Variants in ZBTB7C observed in about 807,000 individuals in gnomAD.
ZBTB7C encodes the protein zinc finger and BTB domain containing 7C.
In ZBTB7C, 8 loss-of-function variants were observed where a neutral mutation model predicts 25.7. That is an observed-to-expected ratio of 0.31 (90% CI 0.18 to 0.56). The LOEUF (loss-of-function observed/expected upper bound fraction) is 0.56. ZBTB7C is among the 20% of genes least tolerant of loss of function. The pLI, the probability that ZBTB7C is intolerant of heterozygous loss-of-function variation, is 0.91. For synonymous variants in ZBTB7C, 394 were observed against 369.0 expected (o/e 1.07, Z -0.78); for missense variants, 824 against 855.2 (o/e 0.96, Z 0.46).
chr18:48,084,867 C>T (rs965848778), intron 3 of ZBTB7C, among the ~76,000 whole-genome samples: 30 of 152,236 alleles, frequency 2.0e-4, no homozygotes, highest in African/African-American at 6.3e-4. Flanking sequence ...CTCTGTCACC[C>T]GAACCCCTTT....
intron 4 of ZBTB7C, among the ~76,000 whole-genome samples, chr18:48,034,076 C>T (rs2035869657): frequency 6.6e-6 from 1 of 152,168 alleles, no homozygotes; most frequent in South Asian, 2.1e-4. Context: ...GTGAGTTTAG[C>T]TGGAATATGT....
At chr18:48,165,318 C>G (rs1331437124) in intron 3 of ZBTB7C, 1 of 435,908 alleles carries the variant, frequency 2.3e-6, no homozygotes, top group Non-Finnish European at 4.6e-6. Flanking sequence ...GACAACACTC[C>G]GACGTAGCCC....
chr18:48,207,290 A>G (rs1212113037), intron 2 of ZBTB7C, among the ~76,000 whole-genome samples: 2 of 152,206 alleles, frequency 1.3e-5, no homozygotes, highest in African/African-American at 4.8e-5. Flanking sequence ...ATACCATACA[A>G]TCCAGCAAGT....
At chr18:48,101,256 A>C (rs1233060693) in intron 3 of ZBTB7C, among the ~76,000 whole-genome samples, 1 of 152,210 alleles carries the variant, frequency 6.6e-6, no homozygotes, top group Admixed American at 6.5e-5. Flanking sequence ...AGATTTTGCC[A>C]ATCATTGTAT....
chr18:48,100,764 C>T (rs1459565734), intron 3 of ZBTB7C, among the ~76,000 whole-genome samples: 1 of 152,090 alleles, frequency 6.6e-6, no homozygotes, highest in African/African-American at 2.4e-5. Context: ...TGAAGCAACC[C>T]CCTGGGGAAT....
intron 1 of ZBTB7C, among the ~76,000 whole-genome samples, chr18:48,391,169 G>A (rs956513784): frequency 2.0e-5 from 3 of 152,192 alleles, no homozygotes; most frequent in African/African-American, 7.2e-5. Context: ...CTGGGTGACC[G>A]CCGCCATGTG....
chr18:48,310,241 A>AG (rs1476816436), intron 2 of ZBTB7C, among the ~76,000 whole-genome samples: 4 of 152,052 alleles, frequency 2.6e-5, no homozygotes, highest in African/African-American at 9.7e-5. Flanking sequence ...AAAAAAAAAA[A>AG]AATTGGTTCC....
chr18:48,347,291 G>A (rs971028633), intron 1 of ZBTB7C, among the ~76,000 whole-genome samples: 6 of 134,626 alleles, frequency 4.5e-5, no homozygotes, highest in Non-Finnish European at 6.7e-5. Flanking sequence ...TCAAGTGATC[G>A]GCCTCCCAAA....
chr18:48,256,508 T>C (rs1163082966), intron 2 of ZBTB7C, among the ~76,000 whole-genome samples: 1 of 150,978 alleles, frequency 6.6e-6, no homozygotes, highest in Non-Finnish European at 1.5e-5. Flanking sequence ...AGGCCCATAT[T>C]ATAAGAAGTG....
At chr18:48,220,450 A>C (rs1177856395) in intron 2 of ZBTB7C, among the ~76,000 whole-genome samples, 1 of 152,178 alleles carries the variant, frequency 6.6e-6, no homozygotes, top group Non-Finnish European at 1.5e-5. Context: ...TAGGGAACAA[A>C]TACTTATTGA....
At chr18:48,332,318 T>C (rs908463898) in intron 2 of ZBTB7C, among the ~76,000 whole-genome samples, 1 of 152,168 alleles carries the variant, frequency 6.6e-6, no homozygotes, top group Non-Finnish European at 1.5e-5. Flanking sequence ...AGGTAGAAAT[T>C]GGTAGTTAGA....
chr18:48,296,724 G>A (rs934829885), intron 2 of ZBTB7C, among the ~76,000 whole-genome samples: 2 of 152,042 alleles, frequency 1.3e-5, no homozygotes, highest in African/African-American at 4.8e-5. Context: ...CAGTCTGGTA[G>A]TGGCGGGTGG....
In ZBTB7C at chr18:48,208,725, C is replaced by A. The variant is rs542091710; in HGVS notation, c.-78-22730G>T. Among the ~76,000 whole-genome samples, 5 of 152,366 alleles carry A rather than the reference C, an allele frequency of 3.3e-5. No individual in the cohort carries two copies. The South Asian group carries it at 1.0e-3, about 32-fold the overall frequency. ...GCCCCTGTCAACTTCAGCTCACTCA[C>A]CTTCCCAACATCTCAGACTCTGTGT... On this transcript the variant is annotated intron_variant, in intron 2 of 4. Coordinates refer to ENST00000590800, the MANE Select transcript of ZBTB7C (RefSeq NM_001318841.2).
intron 3 of ZBTB7C, among the ~76,000 whole-genome samples, chr18:48,090,002 G>T (rs1175290153): frequency 6.6e-6 from 1 of 152,200 alleles, no homozygotes; most frequent in Non-Finnish European, 1.5e-5. Context: ...GTGGGAGTGT[G>T]GTCCGTGGCA....
intron 1 of ZBTB7C, among the ~76,000 whole-genome samples, chr18:48,354,456 A>T (rs573977430): frequency 6.6e-6 from 1 of 152,320 alleles, no homozygotes; most frequent in African/African-American, 2.4e-5. Context: ...CAATATGGAC[A>T]AACTTGACTT....
At chr18:48,265,568 G>A (rs1456959640) in intron 2 of ZBTB7C, among the ~76,000 whole-genome samples, 1 of 152,182 alleles carries the variant, frequency 6.6e-6, no homozygotes. Flanking sequence ...ACTGAGCCCA[G>A]TGCTGGCCTG....
chr18:48,088,941 A>G (rs533146787), intron 3 of ZBTB7C, among the ~76,000 whole-genome samples: 79 of 152,270 alleles, frequency 5.2e-4, no homozygotes, highest in African/African-American at 1.8e-3. Context: ...TTTGACCTTA[A>G]TTTGGTAGGC....
chr18:48,232,342 C>A (rs1021571732), intron 2 of ZBTB7C, among the ~76,000 whole-genome samples: 1 of 152,180 alleles, frequency 6.6e-6, no homozygotes, highest in Non-Finnish European at 1.5e-5. Flanking sequence ...CAGCTAATAC[C>A]TTGATTTCAG....
At chr18:48,148,048 GTGCAAT>G (rs970867987) in intron 3 of ZBTB7C, 1 of 152,080 alleles carries the variant, frequency 6.6e-6, no homozygotes, top group African/African-American at 2.4e-5. Flanking sequence ...CTGGGCTGGA[GTGCAAT>G]GGCACGATCT....
Sources: allele counts gnomAD v4.1 joint callset (sites outside exome capture counted in the v4.1 genomes callset), GRCh38; gene constraint gnomAD v4.1.1; transcripts MANE v1.5; gene names NCBI Gene and HGNC (gene_info 2026-07-23, HGNC 2026-07-21).